DCDC1: variants seen among roughly 807,000 people sequenced by gnomAD.
DCDC1 encodes doublecortin domain-containing protein 1.
Under a neutral mutation model 178.3 loss-of-function variants are expected in DCDC1, and 200 were observed. The observed-to-expected ratio is 1.12, with a 90% CI of 1.00 to 1.26. The LOEUF (loss-of-function observed/expected upper bound fraction) is 1.26, where lower values mean the gene tolerates loss of function less well. Among genes scored for constraint, DCDC1 ranks in the 50% most tolerant of loss-of-function variants. The probability of loss-of-function intolerance (pLI) is 0.00; values close to 1 mark genes in which losing one functional copy is unlikely to be tolerated. For synonymous variants in DCDC1, 690 were observed against 604.8 expected, an observed-to-expected ratio of 1.14 and a Z score of -2.07; for missense variants, 1,983 against 1,749.2, an observed-to-expected ratio of 1.13 and a Z score of -2.38.
At chr11:31,053,252 A>C (rs1955377794) in intron 20 of DCDC1, among the ~76,000 whole-genome samples, 2 of 152,148 alleles carry the variant, frequency 1.3e-5, no homozygotes, top group Admixed American at 1.3e-4. Context: ...AAATTCCTGG[A>C]AAAATACAAC....
At chr11:30,921,002 A>C in intron 24 of DCDC1, 67 bp from the exon 25 acceptor site, 1 of 1,487,158 alleles carries the variant, frequency 6.7e-7, no homozygotes, top group Non-Finnish European at 9.1e-7. Context: ...GAATTTAAAA[A>C]CACACACTAA....
At chr11:31,160,353 G>C (rs1332139523) in intron 9 of DCDC1, among the ~76,000 whole-genome samples, 1 of 151,998 alleles carries the variant, frequency 6.6e-6, no homozygotes, top group Non-Finnish European at 1.5e-5. Context: ...TGACAACTTT[G>C]TTTCTAATAA....
chr11:31,211,376 C>G (rs897276905), intron 9 of DCDC1, among the ~76,000 whole-genome samples: 1 of 152,232 alleles, frequency 6.6e-6, no homozygotes, highest in Non-Finnish European at 1.5e-5. Context: ...AATTGCACAA[C>G]TGCATCCTCA....
chr11:31,338,018 C>T (rs1198547084), intron 1 of DCDC1, among the ~76,000 whole-genome samples: 1 of 152,158 alleles, frequency 6.6e-6, no homozygotes, highest in African/African-American at 2.4e-5. Context: ...CAGATCTGTT[C>T]AGCACTCCAG....
At chr11:31,363,183 AACC>A (rs1951795172) in intron 1 of DCDC1, among the ~76,000 whole-genome samples, 1 of 152,120 alleles carries the variant, frequency 6.6e-6, no homozygotes, top group African/African-American at 2.4e-5. Context: ...TGAAAATATT[AACC>A]AACACTAACA....
intron 9 of DCDC1, among the ~76,000 whole-genome samples, chr11:31,141,524 A>C (rs539109852): frequency 4.7e-4 from 72 of 152,322 alleles, no homozygotes; most frequent in South Asian, 2.1e-3. Context: ...AAGAAAACTG[A>C]ATCTATTAAT....
At chr11:30,967,597 G>A (rs1949510540) in intron 20 of DCDC1, among the ~76,000 whole-genome samples, 1 of 152,190 alleles carries the variant, frequency 6.6e-6, no homozygotes, top group Non-Finnish European at 1.5e-5. Flanking sequence ...CTGGCCAGGG[G>A]ACCCACTTGC....
intron 17 of DCDC1, among the ~76,000 whole-genome samples, chr11:31,091,128 T>C (rs1011037638): frequency 1.3e-5 from 2 of 152,204 alleles, no homozygotes; most frequent in African/African-American, 4.8e-5. Context: ...CTGATAATTA[T>C]AGAGTAAAGC....
chr11:30,931,715 C>CGG (rs1946935162), intron 22 of DCDC1, 56 bp downstream of exon 22: 1 of 1,479,764 alleles, frequency 6.8e-7, no homozygotes, highest in Non-Finnish European at 9.0e-7. Context: ...ATTAAGAACA[C>CGG]AAAATCTGTA....
chr11:31,120,917 G>A (rs1960699424), intron 11 of DCDC1, among the ~76,000 whole-genome samples: 1 of 152,160 alleles, frequency 6.6e-6, no homozygotes, highest in Admixed American at 6.6e-5. Flanking sequence ...TTTCCATGGG[G>A]ATGAAGAGGA....
At chr11:31,038,234 C>G (rs1954209353) in intron 20 of DCDC1, among the ~76,000 whole-genome samples, 1 of 151,902 alleles carries the variant, frequency 6.6e-6, no homozygotes, top group Non-Finnish European at 1.5e-5. Context: ...TATATACACA[C>G]ACACACATAA....
intron 20 of DCDC1, among the ~76,000 whole-genome samples, chr11:30,968,292 C>T (rs1413268016): frequency 6.6e-6 from 1 of 152,066 alleles, no homozygotes; most frequent in Non-Finnish European, 1.5e-5. Flanking sequence ...CCCTAGGATT[C>T]AGAACAGTGT....
intron 9 of DCDC1, among the ~76,000 whole-genome samples, chr11:31,164,981 C>T (rs1003245620): frequency 2.0e-5 from 3 of 152,140 alleles, no homozygotes; most frequent in Admixed American, 1.3e-4. Context: ...AGTTTAGAAA[C>T]ACAAATACTT....
At chr11:31,279,234 A>C (rs1450945595) in intron 7 of DCDC1, among the ~76,000 whole-genome samples, 2 of 150,652 alleles carry the variant, frequency 1.3e-5, no homozygotes, top group Admixed American at 1.3e-4. Flanking sequence ...TTTACATTTC[A>C]TTTTCTTTTT....
At chr11:30,891,819 T>C (rs1303642622) in intron 36 of DCDC1, among the ~76,000 whole-genome samples, 1 of 152,236 alleles carries the variant, frequency 6.6e-6, no homozygotes, top group Non-Finnish European at 1.5e-5. Flanking sequence ...TGATATGAAA[T>C]TGCTGTCACC....
chr11:30,908,101 C>G (rs2134156728), intron 29 of DCDC1, among the ~76,000 whole-genome samples: 1 of 152,236 alleles, frequency 6.6e-6, no homozygotes, highest in East Asian at 1.9e-4. Context: ...AACATGAAAT[C>G]AGGTTGTAAA....
intron 13 of DCDC1, among the ~76,000 whole-genome samples, chr11:31,105,123 T>C (rs1197807480): frequency 1.3e-5 from 2 of 152,066 alleles, no homozygotes; most frequent in African/African-American, 4.8e-5. Flanking sequence ...TTTAGACATA[T>C]ACATTTTAAA....
At chr11:31,292,029 C>T (rs1947266753) in intron 6 of DCDC1, among the ~76,000 whole-genome samples, 1 of 152,060 alleles carries the variant, frequency 6.6e-6, no homozygotes, top group Admixed American at 6.6e-5. Context: ...ACCCCCCTTT[C>T]ACTCTCTGTT....
chr11:31,037,036 C>T (rs1417783991), intron 20 of DCDC1, among the ~76,000 whole-genome samples: 7 of 152,180 alleles, frequency 4.6e-5, no homozygotes, highest in African/African-American at 1.7e-4. Flanking sequence ...TAAACTGAAG[C>T]AGCCTGATTA....
Sources: gnomAD v4.1 joint callset for allele counts (sites outside exome capture counted in the v4.1 genomes callset) on GRCh38, gnomAD v4.1.1 for gene constraint, MANE v1.5 for transcripts, NCBI Gene and HGNC (gene_info 2026-07-23, HGNC 2026-07-21) for gene names.